CCT6B: variants seen among roughly 807,000 people sequenced by gnomAD.
CCT6B encodes the protein probable T-complex protein 1 subunit zeta-2.
A neutral mutation model predicts 61.5 loss-of-function variants in CCT6B; 49 were observed. That is an observed-to-expected ratio of 0.80 (90% confidence interval 0.63 to 1.01). The LOEUF (loss-of-function observed/expected upper bound fraction) is 1.01. Among genes scored for constraint, CCT6B ranks in the 50% least tolerant of loss-of-function variants. The pLI is 0.00. For missense variants in CCT6B, 666 were observed against 634.7 expected (o/e 1.05, Z -0.53); for synonymous variants, 228 against 214.5 (o/e 1.06, Z -0.55).
At chr17:34,934,120 C>T (rs1316562270) in intron 10 of CCT6B, among the ~76,000 whole-genome samples, 1 of 141,190 alleles carries the variant, frequency 7.1e-6, no homozygotes, top group East Asian at 2.1e-4. Flanking sequence ...CAGATCGAGA[C>T]TCTGTTTCAA....
intron 5 of CCT6B, among the ~76,000 whole-genome samples, chr17:34,950,168 A>G (rs1226182937): frequency 1.3e-5 from 2 of 152,218 alleles, no homozygotes; most frequent in Non-Finnish European, 2.9e-5. Context: ...TAAACTGAAT[A>G]AAAATCATAA....
intron 10 of CCT6B, among the ~76,000 whole-genome samples, chr17:34,934,762 A>C (rs2090075681): frequency 6.6e-6 from 1 of 152,224 alleles, no homozygotes. Context: ...CCAATTCTCC[A>C]CAACAACTTT....
rs745604122 is a variant in CCT6B, at chr17:34,961,411, G to A, written c.-18C>T. The A allele has an allele frequency of 1.4e-5, 22 of 1,574,586 alleles. No individual in the cohort carries two copies. Among genetic ancestry groups the A allele is most frequent in the South Asian group, 5.9e-5 (5 of 85,046 alleles). Reference sequence around the variant, plus strand: ...GCAGCCATAGCCTAACCGTTCAGAGGGAGAAAAAAAAAAAGCCTTAGTCGC... The same window carrying A: ...GCAGCCATAGCCTAACCGTTCAGAGAGAGAAAAAAAAAAAGCCTTAGTCGC... On this transcript the variant is annotated 5_prime_UTR_variant, in exon 1 of 14. Transcript: ENST00000314144.
chr17:34,936,104 C>T (rs915039985), intron 10 of CCT6B, among the ~76,000 whole-genome samples: 22 of 152,154 alleles, frequency 1.4e-4, no homozygotes, highest in Non-Finnish European at 3.1e-4. Flanking sequence ...GTGCCTGCCA[C>T]CATGCCCAGC....
intron 2 of CCT6B, 86 bp downstream of exon 2, chr17:34,959,501 C>G: frequency 1.0e-6 from 1 of 985,092 alleles, no homozygotes; most frequent in Non-Finnish European, 1.6e-6. Context: ...ATTTAGCTCA[C>G]AGCCTTGGCT....
At position 34,961,294 on chromosome 17, in the gene CCT6B, G is replaced by A. The variant is rs2090413890; in HGVS notation, c.100C>T (p.Leu34=). 2 of 1,612,662 alleles carry A rather than the reference G, an allele frequency of 1.2e-6. No homozygotes were observed. Among genetic ancestry groups the A allele is most frequent in the African/African-American group, 1.3e-5 (1 of 74,880 alleles). ...CCTTTAGGACCCAAGTTGGTCCGCA[G>A]CACATCCTGCAGCCCTCGGGCGGCG... is the stretch of plus-strand genomic sequence containing the variant. ...ICAARGLQDV[L]RTNLGPKGTM... The change falls in exon 1 of 14, where the codon CTG becomes TTG. Residue 34 remains leucine, a synonymous_variant. Transcript: ENST00000314144.
intron 1 of CCT6B, among the ~76,000 whole-genome samples, chr17:34,960,330 T>G (rs1321253856): frequency 6.6e-6 from 1 of 152,204 alleles, no homozygotes; most frequent in Non-Finnish European, 1.5e-5. Context: ...AAGCAAATCT[T>G]CTGGTTCCCT....
rs184521301 is a variant in CCT6B, at chr17:34,953,419, C to T, written c.510+1007G>A. On this transcript the variant is annotated intron_variant, in intron 4 of 13. Coordinates refer to ENST00000314144, the MANE Select transcript of CCT6B (RefSeq NM_006584.4). ...GATGTCAGCTCACTGCAACCTCCCC[C>T]TCCCTCCCAGAGTGATTCTCCTGCC... Among the ~76,000 whole-genome samples, 342 of 151,404 alleles carry T rather than the reference C, an allele frequency of 2.3e-3. 3 individuals carry two copies. Among genetic ancestry groups the T allele is most frequent in the Admixed American group, 3.3e-3 (50 of 15,164 alleles).
intron 10 of CCT6B, 34 bp from the exon 11 acceptor site, chr17:34,932,534 T>C: frequency 1.3e-6 from 2 of 1,571,650 alleles, no homozygotes; most frequent in East Asian, 2.3e-5. Context: ...TGGCAAGACA[T>C]GCCATAAAGA....
At chr17:34,951,849 T>A in intron 5 of CCT6B, 101 bp downstream of exon 5, 2 of 557,818 alleles carry the variant, frequency 3.6e-6, no homozygotes, top group South Asian at 3.0e-5. Context: ...ATATGGTGAA[T>A]GAATATATTT....
In CCT6B at chr17:34,932,495, T is replaced by C. The variant is rs953557631; in HGVS notation, c.1219A>G (p.Met407Val). 3.7e-6 allele frequency: 6 copies of C among 1,607,458 alleles called. No individual in the cohort carries two copies. Among genetic ancestry groups the C allele is most frequent in the African/African-American group, 1.3e-5 (1 of 74,752 alleles). ...AIKNAIEDGC[M>V]VPGAGAIEVA... ...TCAATTGCACCAGCTCCAGGAACCA[T>C]ACAACCTATTGGAGAGAAAAAATAT... The change falls in exon 11 of 14, where the codon ATG (methionine) becomes GTG (valine). Residue 407 changes from methionine to valine, a missense_variant. Coordinates refer to ENST00000314144, the MANE Select transcript of CCT6B (RefSeq NM_006584.4).
chr17:34,947,563 T>C (rs531545851), intron 5 of CCT6B, among the ~76,000 whole-genome samples: 3 of 152,214 alleles, frequency 2.0e-5, no homozygotes, highest in South Asian at 2.1e-4. Flanking sequence ...AGAATAAAGA[T>C]AAAGGCATTT....
At chr17:34,941,618 T>C (rs1567666958) in intron 7 of CCT6B, among the ~76,000 whole-genome samples, 1 of 152,326 alleles carries the variant, frequency 6.6e-6, no homozygotes, top group South Asian at 2.1e-4. Context: ...ATCTACCAAA[T>C]ACCCATATCT....
intron 4 of CCT6B, among the ~76,000 whole-genome samples, chr17:34,953,430 A>C (rs2090314880): frequency 6.6e-6 from 1 of 151,166 alleles, no homozygotes; most frequent in Admixed American, 6.6e-5. Context: ...TCCCTCCCAG[A>C]GTGATTCTCC....
chr17:34,929,050 A>C lies in CCT6B; in HGVS notation c.1451-16T>G. On this transcript the variant is annotated splice_polypyrimidine_tract_variant and intron_variant, in intron 12 of 13. Transcript: ENST00000314144. ...ATTGGCTCACCTGAAAAGTAAAAAC[A>C]ATTTTCATACCAAAATCTTAGTATT... is the stretch of plus-strand genomic sequence containing the variant. 1 of 1,515,186 alleles carries C rather than the reference A, an allele frequency of 6.6e-7. No homozygotes were observed. Among genetic ancestry groups the C allele is most frequent in the Non-Finnish European group, 9.1e-7 (1 of 1,094,106 alleles). The allele number at this position is 1,515,186 out of a possible 1,614,324, so 93.9% of individuals were successfully genotyped here. A position where few individuals can be genotyped will look rare whatever the true frequency, so the allele number is the denominator to read the frequency against.
intron 4 of CCT6B, among the ~76,000 whole-genome samples, chr17:34,953,263 T>C (rs925975308): frequency 6.6e-6 from 1 of 150,896 alleles, no homozygotes; most frequent in Non-Finnish European, 1.5e-5. Flanking sequence ...TATCAAATCA[T>C]TGCCACCTGA....
intron 3 of CCT6B, 115 bp downstream of exon 3, chr17:34,958,445 A>AAATT (rs988104968): frequency 1.9e-5 from 11 of 592,466 alleles, no homozygotes; most frequent in East Asian, 7.2e-5. Flanking sequence ...CTCCATCTCA[A>AAATT]AATTAATTAA....
At position 34,932,366 on chromosome 17, in the gene CCT6B, C is replaced by G. The variant is rs1183588889; in HGVS notation, c.1347+1G>C. On this transcript the variant is annotated splice_donor_variant, in intron 11 of 13. Coordinates refer to ENST00000314144, the MANE Select transcript of CCT6B (RefSeq NM_006584.4). LOFTEE classifies it high-confidence loss of function. ...TTATTTGGCCGAAAGGGTAGTTGTA[C>G]CTTGGGAATAATGAGTAAGGCATCA... 2 of 1,604,670 alleles carry G rather than the reference C, an allele frequency of 1.2e-6. No individual in the cohort carries two copies. Among genetic ancestry groups the G allele is most frequent in the Admixed American group, 1.7e-5 (1 of 57,748 alleles).
rs191968438 is a variant in CCT6B, at chr17:34,953,396, T to G, written c.510+1030A>C. ...CCCAGGCTAGAGTGCAATGGCATGATGTCAGCTCACTGCAACCTCCCCCTC... is the reference window on the plus strand; with the variant it reads ...CCCAGGCTAGAGTGCAATGGCATGAGGTCAGCTCACTGCAACCTCCCCCTC... On this transcript the variant is annotated intron_variant, in intron 4 of 13. Coordinates refer to ENST00000314144, the MANE Select transcript of CCT6B (RefSeq NM_006584.4). 1.1e-4 allele frequency among the ~76,000 whole-genome samples: 16 copies of G among 151,072 alleles called. No individual in the cohort carries two copies. The East Asian group carries it at 3.2e-3, about 30-fold the overall frequency.
Sources: allele counts gnomAD v4.1 joint callset (sites outside exome capture counted in the v4.1 genomes callset), GRCh38; gene constraint gnomAD v4.1.1; transcripts MANE v1.5; gene names NCBI Gene and HGNC (gene_info 2026-07-23, HGNC 2026-07-21).